TRPM6: variants seen among roughly 807,000 people sequenced by gnomAD.
The protein encoded by TRPM6 is channel kinase 2.
A neutral mutation model predicts 247.6 loss-of-function variants in TRPM6; 111 were observed. That is an observed-to-expected ratio of 0.45 (90% CI 0.38 to 0.52). The LOEUF is 0.52. Ranked by LOEUF, TRPM6 falls within the 20% of genes least tolerant of loss-of-function variation. The pLI is 0.00. For missense variants in TRPM6, 2,126 were observed against 2,421.5 expected, an observed-to-expected ratio of 0.88 and a Z score of 2.56; for synonymous variants, 892 against 853.8, an observed-to-expected ratio of 1.04 and a Z score of -0.78.
At chr9:74,802,759 CTGATTA>C (rs1828390220) in intron 15 of TRPM6, among the ~76,000 whole-genome samples, 1 of 152,112 alleles carries the variant, frequency 6.6e-6, no homozygotes, top group East Asian at 1.9e-4. Context: ...TTCCTTTATT[CTGATTA>C]TATTTATCAG....
chr9:74,768,256 G>A (rs1185799578), intron 25 of TRPM6, among the ~76,000 whole-genome samples: 1 of 152,126 alleles, frequency 6.6e-6, no homozygotes, highest in Non-Finnish European at 1.5e-5. Context: ...CATTACAGGT[G>A]TTGGCACCTC....
At chr9:74,840,591 G>A (rs1003242758) in intron 4 of TRPM6, among the ~76,000 whole-genome samples, 1 of 152,148 alleles carries the variant, frequency 6.6e-6, no homozygotes, top group Non-Finnish European at 1.5e-5. Context: ...GAGGTGGGCG[G>A]AACACCTGAG....
chr9:74,812,190 T>A, intron 12 of TRPM6, 109 bp downstream of exon 12: 1 of 1,424,332 alleles, frequency 7.0e-7, no homozygotes, highest in South Asian at 1.2e-5. Flanking sequence ...GAAGTCCAGC[T>A]ACTTCTAATT....
At chr9:74,855,103 C>T (rs1830483733) in intron 3 of TRPM6, among the ~76,000 whole-genome samples, 1 of 152,196 alleles carries the variant, frequency 6.6e-6, no homozygotes, top group Non-Finnish European at 1.5e-5. Context: ...TAAAAACGGT[C>T]ACATAGTTTA....
At chr9:74,809,585 T>C (rs1023000215) in intron 13 of TRPM6, among the ~76,000 whole-genome samples, 10 of 152,164 alleles carry the variant, frequency 6.6e-5, no homozygotes, top group African/African-American at 2.4e-4. Context: ...CAGTTTACTG[T>C]GGCACAGTTT....
intron 8 of TRPM6, among the ~76,000 whole-genome samples, chr9:74,820,870 A>G (rs1006214404): frequency 6.6e-6 from 1 of 152,140 alleles, no homozygotes; most frequent in Admixed American, 6.5e-5. Context: ...AATTATAGGT[A>G]TTATATTCTC....
rs999563747 is a variant in TRPM6 at position 74,777,188 on chromosome 9, C to T, written c.3210-1112G>A. On this transcript the variant is annotated intron_variant, in intron 23 of 38. Coordinates refer to ENST00000360774, the MANE Select transcript of TRPM6 (RefSeq NM_017662.5). ...TGGGGCCTGGTCAATGAGTGGGAAACTCTAGGGTTGCACATGCTATTAATA... is the reference window on the plus strand; with the variant it reads ...TGGGGCCTGGTCAATGAGTGGGAAATTCTAGGGTTGCACATGCTATTAATA... 2.6e-5 allele frequency among the ~76,000 whole-genome samples: 4 copies of T among 152,204 alleles called. No homozygotes were observed. The East Asian group carries it at 5.8e-4, about 22-fold the overall frequency.
intron 26 of TRPM6, 24 bp downstream of exon 26, chr9:74,761,975 A>T (rs761695770): frequency 1.9e-6 from 3 of 1,609,632 alleles, no homozygotes; most frequent in Non-Finnish European, 2.6e-6. Flanking sequence ...CTTAATGCTG[A>T]TATTTTAAAT....
chr9:74,769,751 C>G (rs1413859990), intron 25 of TRPM6, among the ~76,000 whole-genome samples: 3 of 129,628 alleles, frequency 2.3e-5, no homozygotes, highest in Non-Finnish European at 4.6e-5. Context: ...AGTGAGACTC[C>G]GTTGAAATAA....
chr9:74,781,271 C>T (rs960612871), intron 23 of TRPM6, among the ~76,000 whole-genome samples: 1 of 152,052 alleles, frequency 6.6e-6, no homozygotes, highest in African/African-American at 2.4e-5. Context: ...CACAGTGGCT[C>T]ACTCCTATAA....
At chr9:74,741,183 T>TG (rs2118743384) in intron 33 of TRPM6, among the ~76,000 whole-genome samples, 1 of 152,284 alleles carries the variant, frequency 6.6e-6, no homozygotes, top group South Asian at 2.1e-4. Flanking sequence ...TTTAGGCTGT[T>TG]GAAGAGGGAA....
At chr9:74,828,598 C>T (rs889174829) in intron 6 of TRPM6, among the ~76,000 whole-genome samples, 1 of 151,668 alleles carries the variant, frequency 6.6e-6, no homozygotes, top group Non-Finnish European at 1.5e-5. Context: ...ACATTGCTGG[C>T]AGTGGTTCTA....
At position 74,858,695 on chromosome 9, in the gene TRPM6, G is replaced by A; in HGVS notation, c.87C>T (p.Ile29=). 6.2e-7 allele frequency: 1 copy of A among 1,613,534 alleles called. No individual in the cohort carries two copies. Among genetic ancestry groups the A allele is most frequent in the South Asian group, 1.1e-5 (1 of 90,978 alleles). The change falls in exon 2 of 39, where the codon ATC becomes ATT. Residue 29 remains isoleucine, a synonymous_variant. Transcript: ENST00000360774. ...GVFDKRECST[I]IPSSKNPHRC... Reference sequence around the variant, plus strand: ...TGTGAGGATTTTTTGAGCTGGGTATGATTGTGCTACATTCTCTCTTGTCAA... The same window carrying A: ...TGTGAGGATTTTTTGAGCTGGGTATAATTGTGCTACATTCTCTCTTGTCAA...
chr9:74,742,771 TAC>T, intron 32 of TRPM6, 145 bp from the exon 33 acceptor site: 1 of 743,222 alleles, frequency 1.3e-6, no homozygotes, highest in Non-Finnish European at 2.2e-6. Flanking sequence ...TAATCTATAA[TAC>T]AGTCTTAAAA....
At chr9:74,796,692 C>T (rs369623067) in intron 18 of TRPM6, 49 bp downstream of exon 18, 35 of 1,586,488 alleles carry the variant, frequency 2.2e-5, no homozygotes, top group African/African-American at 1.7e-4. Context: ...TGTATATTTG[C>T]GTGCAGTCAA....
At chr9:74,882,205 A>T (rs1831385922) in intron 1 of TRPM6, among the ~76,000 whole-genome samples, 1 of 152,180 alleles carries the variant, frequency 6.6e-6, no homozygotes, top group Non-Finnish European at 1.5e-5. Context: ...CAACTGATTC[A>T]GTGCTTCTTG....
Position 74,788,595 on chromosome 9 carries a change from G to C in TRPM6, c.2667+19C>G. The stretch of plus-strand genomic sequence containing the variant: ...GCTGAGGACATATGCAGAAGATAAA[G>C]GTAGATGGCATAACTCACCTCCCTG... On this transcript the variant is annotated intron_variant, in intron 20 of 38. Transcript: ENST00000360774. The C allele has an allele frequency of 1.2e-6, 2 of 1,613,660 alleles. No individual in the cohort carries two copies. Among genetic ancestry groups the C allele is most frequent in the Non-Finnish European group, 1.7e-6 (2 of 1,179,722 alleles).
intron 23 of TRPM6, among the ~76,000 whole-genome samples, chr9:74,777,529 C>T (rs1456946303): frequency 6.6e-6 from 1 of 152,180 alleles, no homozygotes; most frequent in African/African-American, 2.4e-5. Flanking sequence ...TCAAAGTATA[C>T]ACTACCACAG....
At chr9:74,801,787 G>A in intron 16 of TRPM6, 111 bp downstream of exon 16, 1 of 1,341,314 alleles carries the variant, frequency 7.5e-7, no homozygotes, top group Non-Finnish European at 1.1e-6. Context: ...TCCATAAAAT[G>A]CATGGCGGTA....
Sources: allele counts gnomAD v4.1 joint callset (sites outside exome capture counted in the v4.1 genomes callset), GRCh38; gene constraint gnomAD v4.1.1; transcripts MANE v1.5; gene names NCBI Gene and HGNC (gene_info 2026-07-23, HGNC 2026-07-21).